The following ATP8A2 variants were observed in gnomAD, a reference collection of about 807,000 sequenced individuals.
The protein encoded by ATP8A2 is ATPase phospholipid transporting 8A2, also known as phospholipid-transporting ATPase IB.
In ATP8A2, 100 loss-of-function variants were observed where a neutral mutation model predicts 165.6. That is an observed-to-expected ratio of 0.60 (90% CI 0.51 to 0.71). The LOEUF (loss-of-function observed/expected upper bound fraction) is 0.71, where lower values mean the gene tolerates loss of function less well. Among genes scored for constraint, ATP8A2 ranks in the 30% least tolerant of loss-of-function variants. The pLI is 0.00. For synonymous variants in ATP8A2, 543 were observed against 548.8 expected (o/e 0.99, Z 0.15); for missense variants, 1,227 against 1,479.5 (o/e 0.83, Z 2.80).
At chr13:26,013,704 G>A (rs935382615) in intron 36 of ATP8A2, among the ~76,000 whole-genome samples, 1 of 151,670 alleles carries the variant, frequency 6.6e-6, no homozygotes, top group Non-Finnish European at 1.5e-5. Flanking sequence ...GAAAGAAAGA[G>A]ACAGATTTAT....
At chr13:25,794,914 T>C (rs1458863715) in intron 27 of ATP8A2, among the ~76,000 whole-genome samples, 1 of 151,758 alleles carries the variant, frequency 6.6e-6, no homozygotes, top group Non-Finnish European at 1.5e-5. Flanking sequence ...GTAATCATTT[T>C]TATGGGATTT....
At chr13:25,823,230 T>C (rs1369090803) in intron 27 of ATP8A2, among the ~76,000 whole-genome samples, 1 of 152,224 alleles carries the variant, frequency 6.6e-6, no homozygotes, top group African/African-American at 2.4e-5. Context: ...TTTGGCATGT[T>C]TCTCTTATAT....
intron 4 of ATP8A2, among the ~76,000 whole-genome samples, chr13:25,530,875 A>T (rs9581378): frequency 7.9e-5 from 12 of 152,004 alleles, no homozygotes; most frequent in Admixed American, 3.9e-4. Context: ...GTTTTCAAAT[A>T]TTAGGTCTCT....
intron 10 of ATP8A2, among the ~76,000 whole-genome samples, chr13:25,546,987 G>T (rs936354056): frequency 6.6e-6 from 1 of 151,886 alleles, no homozygotes; most frequent in African/African-American, 2.4e-5. Context: ...AAAATTAGCT[G>T]GGCATGGTGG....
intron 27 of ATP8A2, among the ~76,000 whole-genome samples, chr13:25,820,830 A>G (rs1229621873): frequency 6.6e-6 from 1 of 152,236 alleles, no homozygotes; most frequent in East Asian, 1.9e-4. Context: ...TCACCTATGG[A>G]AACCTTGCCA....
intron 1 of ATP8A2, among the ~76,000 whole-genome samples, chr13:25,377,942 G>T (rs2032696180): frequency 6.6e-6 from 1 of 152,064 alleles, no homozygotes; most frequent in Non-Finnish European, 1.5e-5. Context: ...AACATAGTGA[G>T]ACCCCATCTC....
intron 25 of ATP8A2, among the ~76,000 whole-genome samples, chr13:25,730,077 C>G (rs1267719603): frequency 6.9e-6 from 1 of 144,282 alleles, no homozygotes; most frequent in African/African-American, 2.8e-5. Context: ...ATTGCTTGAA[C>G]CCAGGAGTTT....
At chr13:25,784,519 G>A (rs1292604038) in intron 27 of ATP8A2, among the ~76,000 whole-genome samples, 11 of 152,156 alleles carry the variant, frequency 7.2e-5, no homozygotes. Context: ...TTTCCAAATT[G>A]GTTATGACTT....
In ATP8A2 at chr13:25,827,264, A is replaced by G. The variant is rs528230465; in HGVS notation, c.2680-854A>G. Among the ~76,000 whole-genome samples the G allele has an allele frequency of 2.9e-3, 438 of 152,128 alleles. 2 individuals are homozygous for G. The highest frequency in any genetic ancestry group is 5.8e-3 in the Admixed American group (89 of 15,298). Reference sequence around the variant, plus strand: ...GTAGCTGGGATTACAGGTGCGTGCCACCACACCCCGCTAATTTTTGTATTT... The same window carrying G: ...GTAGCTGGGATTACAGGTGCGTGCCGCCACACCCCGCTAATTTTTGTATTT... On this transcript the variant is annotated intron_variant, in intron 27 of 36. Transcript: ENST00000381655.
intron 23 of ATP8A2, among the ~76,000 whole-genome samples, chr13:25,585,206 C>T (rs911533483): frequency 6.6e-6 from 1 of 152,178 alleles, no homozygotes; most frequent in African/African-American, 2.4e-5. Flanking sequence ...TGAATTTATG[C>T]TAACTAGCTG....
At chr13:25,991,187 T>C (rs940638402) in intron 35 of ATP8A2, among the ~76,000 whole-genome samples, 3 of 152,144 alleles carry the variant, frequency 2.0e-5, no homozygotes, top group Non-Finnish European at 4.4e-5. Context: ...CTTAGCACTG[T>C]TCACAAAAGG....
chr13:25,872,265 C>T (rs1033754790), intron 33 of ATP8A2, among the ~76,000 whole-genome samples: 3 of 152,062 alleles, frequency 2.0e-5, no homozygotes, highest in Non-Finnish European at 4.4e-5. Flanking sequence ...GGGGATGGAG[C>T]TCTTTTGCTG....
intron 33 of ATP8A2, among the ~76,000 whole-genome samples, chr13:25,961,118 G>A (rs2139184113): frequency 6.6e-6 from 1 of 152,296 alleles, no homozygotes; most frequent in East Asian, 1.9e-4. Context: ...TTTCCTGGGT[G>A]GGGAGAACCA....
Position 25,541,943 on chromosome 13 carries a change from C to G in ATP8A2, c.676C>G (p.Gln226Glu), listed in dbSNP as rs1206171029. 13 of 1,613,904 alleles carry G rather than the reference C, an allele frequency of 8.1e-6. No individual in the cohort carries two copies. Among genetic ancestry groups the G allele is most frequent in the Non-Finnish European group, 1.1e-5 (13 of 1,179,966 alleles). ...RQGLSHTADMQTREVLMKLSG... is the reference protein window; with the variant it reads ...RQGLSHTADMETREVLMKLSG... Reference sequence around the variant, plus strand: ...GGGTTTGAGTCACACTGCTGACATGCAAACACGTGAAGTTCTGATGAAGTT... The same window carrying G: ...GGGTTTGAGTCACACTGCTGACATGGAAACACGTGAAGTTCTGATGAAGTT... The change falls in exon 9 of 37, where the codon CAA (glutamine) becomes GAA (glutamate). Residue 226 changes from glutamine (Q) to glutamate (E), a missense_variant. By Grantham distance (29) the Gln-to-Glu change is conservative (BLOSUM62 2). Around this residue, in one of 5 missense-constraint regions of ATP8A2, gnomAD observed 356 missense variants for 394.9 expected, o/e 0.90. Coordinates refer to ENST00000381655, the MANE Select transcript of ATP8A2 (RefSeq NM_016529.6).
At chr13:25,504,746 C>CAAAAAAA (rs34066777) in intron 2 of ATP8A2, among the ~76,000 whole-genome samples, 1 of 84,802 alleles carries the variant, frequency 1.2e-5, no homozygotes, top group African/African-American at 4.8e-5. Flanking sequence ...GACTCCGTCT[C>CAAAAAAA]AAAAAAAAAA....
At chr13:25,850,399 C>G (rs1444919273) in intron 30 of ATP8A2, among the ~76,000 whole-genome samples, 1 of 145,484 alleles carries the variant, frequency 6.9e-6, no homozygotes, top group Admixed American at 7.0e-5. Flanking sequence ...ACCTCATCAG[C>G]TCACCTTTCC....
chr13:25,689,535 A>T (rs1371378787), intron 24 of ATP8A2, among the ~76,000 whole-genome samples: 1 of 152,220 alleles, frequency 6.6e-6, no homozygotes, highest in Non-Finnish European at 1.5e-5. Flanking sequence ...TCCAATTATC[A>T]AGGGGACTTT....
intron 25 of ATP8A2, among the ~76,000 whole-genome samples, chr13:25,719,505 TAGATA>T (rs1338170627): frequency 1.3e-5 from 2 of 151,738 alleles, no homozygotes; most frequent in African/African-American, 4.8e-5. Context: ...ATGATGGAGA[TAGATA>T]AGATAGATAG....
chr13:25,624,451 C>A lies in ATP8A2; in HGVS notation c.2211+34752C>A, dbSNP rs2041052454. On this transcript the variant is annotated intron_variant, in intron 24 of 36. Coordinates refer to ENST00000381655, the MANE Select transcript of ATP8A2 (RefSeq NM_016529.6). The stretch of plus-strand genomic sequence containing the variant: ...GGCAAGTACTCTACCTTTTTTATTT[C>A]ACTTCAATGTAATTTATATTTTGCT... Among the ~76,000 whole-genome samples the A allele has an allele frequency of 4.6e-5, 7 of 152,046 alleles. No individual in the cohort carries two copies. The South Asian group carries it at 1.5e-3, about 32-fold the overall frequency.
Sources: allele counts gnomAD v4.1 joint callset (sites outside exome capture counted in the v4.1 genomes callset), GRCh38; gene constraint gnomAD v4.1.1; regional missense constraint gnomAD v4.1.1; transcripts MANE v1.5; gene names NCBI Gene and HGNC (gene_info 2026-07-23, HGNC 2026-07-21).